Variants in RFX8 observed in about 807,000 individuals in gnomAD.
The protein encoded by RFX8 is regulatory factor X8, also known as DNA-binding protein RFX8.
Under a neutral mutation model 54.6 loss-of-function variants are expected in RFX8, and 46 were observed. The ratio of observed to expected loss-of-function variants is 0.84; its 90% CI spans 0.67 to 1.08. RFX8 has a LOEUF of 1.08. Among genes scored for constraint, RFX8 ranks in the 50% least tolerant of loss-of-function variants. RFX8 has a pLI of 0.00. For synonymous variants in RFX8, 192 were observed against 209.5 expected (o/e 0.92, Z 0.72); for missense variants, 536 against 562.3 (o/e 0.95, Z 0.47).
chr2:101,405,389 C>T (rs1685671652), intron 10 of RFX8, among the ~76,000 whole-genome samples: 1 of 152,010 alleles, frequency 6.6e-6, no homozygotes, highest in Admixed American at 6.5e-5. Flanking sequence ...TCAGGTGATC[C>T]ATCTGCCCCA....
At chr2:101,444,956 C>A (rs886403530) in intron 2 of RFX8, among the ~76,000 whole-genome samples, 1 of 152,172 alleles carries the variant, frequency 6.6e-6, no homozygotes, top group African/African-American at 2.4e-5. Context: ...GATTGAGTGA[C>A]CTGCCTAAGA....
At chr2:101,453,289 ATAAAT>A (rs569460068) in intron 2 of RFX8, among the ~76,000 whole-genome samples, 42,776 of 138,534 alleles carry the variant, frequency 0.31, 7,037 homozygotes, top group African/African-American at 0.36. Flanking sequence ...AAAAAAATAA[ATAAAT>A]AAAAAGAGAG....
In RFX8 at chr2:101,418,901, A is replaced by C; in HGVS notation, c.301T>G (p.Leu101Val). Residue 101 changes from leucine (L) to valine (V), a missense_variant, in exon 5 of 12, where the codon TTG becomes GTG. Physicochemically the swap from Leu to Val is conservative, Grantham distance 32. Coordinates refer to ENST00000428343, the MANE Select transcript of RFX8 (RefSeq NM_001145664.2). ...TTAAAGAGCTGGCACACGTCAGGCAATGACATCAGCATGACTGTGTCTTGC... is the reference window on the plus strand; with the variant it reads ...TTAAAGAGCTGGCACACGTCAGGCACTGACATCAGCATGACTGTGTCTTGC... ...LQQDTVMLMS[L>V]PDVCQLFKCY... 6.4e-7 allele frequency: 1 copy of C among 1,551,686 alleles called. No individual in the cohort carries two copies. Among genetic ancestry groups the C allele is most frequent in the Non-Finnish European group, 8.7e-7 (1 of 1,146,908 alleles).
chr2:101,411,777 G>A (rs1415671455), intron 8 of RFX8, among the ~76,000 whole-genome samples: 1 of 152,180 alleles, frequency 6.6e-6, no homozygotes, highest in Non-Finnish European at 1.5e-5. Flanking sequence ...GGACAGGACA[G>A]TAGAGGGGAG....
chr2:101,407,419 C>T (rs1276506813), intron 9 of RFX8, among the ~76,000 whole-genome samples: 8 of 152,260 alleles, frequency 5.3e-5, no homozygotes, highest in East Asian at 1.9e-4. Flanking sequence ...CTGCTGGGCA[C>T]GGTGGCTCAC....
chr2:101,423,259 CAAAA>C (rs10686930), intron 2 of RFX8, among the ~76,000 whole-genome samples: 6 of 96,996 alleles, frequency 6.2e-5, no homozygotes, highest in Admixed American at 3.3e-4. Context: ...AACTCCATCT[CAAAA>C]AAAAAAAAAA....
chr2:101,457,102 C>A (rs1296473209), intron 2 of RFX8, among the ~76,000 whole-genome samples: 1 of 152,102 alleles, frequency 6.6e-6, no homozygotes, highest in Non-Finnish European at 1.5e-5. Flanking sequence ...CTCCTTTCTT[C>A]TTTATTAGTC....
chr2:101,451,690 A>T (rs1189558500), intron 2 of RFX8, among the ~76,000 whole-genome samples: 1 of 454 alleles, frequency 2.2e-3, no homozygotes, highest in African/African-American at 0.014. Flanking sequence ...ACTCCGTCTC[A>T]AAAAAAAAAA....
chr2:101,436,322 C>T (rs1393719616), intron 2 of RFX8, among the ~76,000 whole-genome samples: 1 of 152,154 alleles, frequency 6.6e-6, no homozygotes, highest in African/African-American at 2.4e-5. Flanking sequence ...CTCTCTACGA[C>T]AATGCTCTTA....
chr2:101,455,962 T>C (rs929166089), intron 2 of RFX8, among the ~76,000 whole-genome samples: 3 of 152,344 alleles, frequency 2.0e-5, no homozygotes, highest in East Asian at 1.9e-4. Context: ...CTAGGTATTT[T>C]ATTCTCTTTG....
At chr2:101,471,162 C>G (rs539538456) in intron 1 of RFX8, among the ~76,000 whole-genome samples, 1 of 151,958 alleles carries the variant, frequency 6.6e-6, no homozygotes, top group Non-Finnish European at 1.5e-5. Context: ...GGCGAAACCC[C>G]GTCTCTACGA....
At chr2:101,469,065 T>G (rs1175091882) in intron 1 of RFX8, among the ~76,000 whole-genome samples, 1 of 24,846 alleles carries the variant, frequency 4.0e-5, no homozygotes. Context: ...CGTATATATA[T>G]GTATATATAT....
chr2:101,405,661 T>C (rs1174114175), intron 10 of RFX8, among the ~76,000 whole-genome samples: 1 of 152,158 alleles, frequency 6.6e-6, no homozygotes, highest in Non-Finnish European at 1.5e-5. Flanking sequence ...GGTGCTTTTC[T>C]CTAAATGTCA....
intron 2 of RFX8, among the ~76,000 whole-genome samples, chr2:101,448,297 G>A (rs1688502631): frequency 6.6e-6 from 1 of 152,124 alleles, no homozygotes; most frequent in Non-Finnish European, 1.5e-5. Context: ...TGCCCAGCCT[G>A]GTAATCTAGG....
chr2:101,438,370 C>A (rs1412461891), intron 2 of RFX8, among the ~76,000 whole-genome samples: 1 of 152,128 alleles, frequency 6.6e-6, no homozygotes, highest in Non-Finnish European at 1.5e-5. Context: ...TTTCTTTATC[C>A]ATTCATCAGT....
intron 2 of RFX8, among the ~76,000 whole-genome samples, chr2:101,423,817 G>A (rs796776448): frequency 7.9e-5 from 12 of 152,224 alleles, no homozygotes; most frequent in African/African-American, 2.9e-4. Context: ...TGCACACACC[G>A]GAAACAGGCA....
intron 2 of RFX8, among the ~76,000 whole-genome samples, chr2:101,462,812 T>C (rs1401996533): frequency 6.6e-6 from 1 of 152,234 alleles, no homozygotes; most frequent in Non-Finnish European, 1.5e-5. Context: ...GATGGCTATC[T>C]GTCTGTCTGC....
intron 2 of RFX8, chr2:101,452,557 C>T: frequency 2.4e-6 from 1 of 421,332 alleles, no homozygotes. Context: ...TTCTAATAAG[C>T]AAACAATAAA....
chr2:101,461,872 C>T (rs1271159806), intron 2 of RFX8, among the ~76,000 whole-genome samples: 3 of 152,112 alleles, frequency 2.0e-5, no homozygotes, highest in African/African-American at 4.8e-5. Flanking sequence ...CACCTTATAA[C>T]CCAATAAATG....
Sources: allele counts gnomAD v4.1 joint callset (sites outside exome capture counted in the v4.1 genomes callset), GRCh38; gene constraint gnomAD v4.1.1; transcripts MANE v1.5; gene names NCBI Gene and HGNC (gene_info 2026-07-23, HGNC 2026-07-21).